FGF14: variants seen among roughly 807,000 people sequenced by gnomAD.
FGF14 encodes the protein fibroblast growth factor 14.
A neutral mutation model predicts 25.5 loss-of-function variants in FGF14; 5 were observed. That is an observed-to-expected ratio of 0.20 (90% CI 0.10 to 0.41). The LOEUF (loss-of-function observed/expected upper bound fraction) is 0.41. FGF14 is among the 10% of genes least tolerant of loss of function. The pLI, the probability that FGF14 is intolerant of heterozygous loss-of-function variation, is 1.00. For synonymous variants in FGF14, 138 were observed against 118.3 expected (o/e 1.17, Z -1.08); for missense variants, 222 against 320.1 (o/e 0.69, Z 2.34).
chr13:101,809,564 C>T (rs1467992409), intron 3 of FGF14, among the ~76,000 whole-genome samples: 2 of 152,176 alleles, frequency 1.3e-5, no homozygotes, highest in Non-Finnish European at 1.5e-5. Flanking sequence ...AGCTGGCAGA[C>T]TTAAACAGGT....
At chr13:101,888,593 G>C (rs2046112580) in intron 1 of FGF14, among the ~76,000 whole-genome samples, 1 of 152,036 alleles carries the variant, frequency 6.6e-6, no homozygotes, top group African/African-American at 2.4e-5. Context: ...AGCTTACTCT[G>C]TTGCCTTATG....
chr13:102,171,120 A>C lies in FGF14; in HGVS notation c.208+230351T>G, dbSNP rs8002515. ...CAAAAACTGGAGATATAAACATATAATATTTGAGGCAATATAGACACAACC... is the reference window on the plus strand; with the variant it reads ...CAAAAACTGGAGATATAAACATATACTATTTGAGGCAATATAGACACAACC... On this transcript the variant is annotated intron_variant, in intron 1 of 4. Transcript: ENST00000376131. Among the ~76,000 whole-genome samples, 753 of 152,324 alleles carry C rather than the reference A, an allele frequency of 4.9e-3. 8 individuals carry two copies. Among genetic ancestry groups the C allele is most frequent in the African/African-American group, 0.017 (712 of 41,570 alleles).
At chr13:102,389,097 A>C (rs1320511576) in intron 1 of FGF14, among the ~76,000 whole-genome samples, 4 of 152,054 alleles carry the variant, frequency 2.6e-5, no homozygotes, top group Non-Finnish European at 5.9e-5. Context: ...TGCTTCTCTA[A>C]AAGATTTCCC....
At position 102,183,777 on chromosome 13, in the gene FGF14, T is replaced by C. The variant is rs879887763; in HGVS notation, c.208+217694A>G. On this transcript the variant is annotated intron_variant, in intron 1 of 4. Transcript: ENST00000376131. ...GCCAGACTTGGGAATCGGACAGACC[T>C]AGATTCAAGCCCTCTCTCCTTATTA... 3.2e-4 allele frequency among the ~76,000 whole-genome samples: 48 copies of C among 152,174 alleles called. 1 individual carries two copies. Among genetic ancestry groups the C allele is most frequent in the Admixed American group, 6.6e-4 (10 of 15,260 alleles).
At chr13:101,916,055 C>A (rs1341932109) in intron 1 of FGF14, among the ~76,000 whole-genome samples, 5 of 152,230 alleles carry the variant, frequency 3.3e-5, no homozygotes, top group Non-Finnish European at 7.3e-5. Context: ...ATGGAAACCC[C>A]CACCAGCTCA....
chr13:102,037,755 C>T (rs1405643750), intron 1 of FGF14, among the ~76,000 whole-genome samples: 1 of 152,106 alleles, frequency 6.6e-6, no homozygotes, highest in African/African-American at 2.4e-5. Context: ...TGCACATTAA[C>T]CGTTGCAGAC....
intron 1 of FGF14, among the ~76,000 whole-genome samples, chr13:101,955,820 T>A (rs1316388324): frequency 6.6e-6 from 1 of 152,248 alleles, no homozygotes; most frequent in Non-Finnish European, 1.5e-5. Flanking sequence ...GTTCCATGGA[T>A]AATCCAAGAG....
chr13:101,785,364 A>G (rs1470873299), intron 3 of FGF14, among the ~76,000 whole-genome samples: 1 of 150,300 alleles, frequency 6.7e-6, no homozygotes, highest in Non-Finnish European at 1.5e-5. Context: ...AAAAAAAAAA[A>G]ACCCAAACCA....
chr13:102,180,966 A>G (rs1472823636), intron 1 of FGF14, among the ~76,000 whole-genome samples: 1 of 152,144 alleles, frequency 6.6e-6, no homozygotes, highest in Non-Finnish European at 1.5e-5. Context: ...TGTTTATATT[A>G]TAGTAAATGG....
At chr13:101,870,530 T>C (rs2044999441) in intron 2 of FGF14, among the ~76,000 whole-genome samples, 1 of 152,220 alleles carries the variant, frequency 6.6e-6, no homozygotes, top group Non-Finnish European at 1.5e-5. Context: ...AGTATAATTT[T>C]AGAAAACAAA....
At chr13:101,892,333 A>G (rs1308827205) in intron 1 of FGF14, among the ~76,000 whole-genome samples, 1 of 152,176 alleles carries the variant, frequency 6.6e-6, no homozygotes, top group Admixed American at 6.6e-5. Flanking sequence ...AAACAAACAA[A>G]AAAATAGGCC....
rs2034635185 is a variant in FGF14, at chr13:101,714,701, A to T, written c.*8130T>A. 8.2e-6 allele frequency: 5 copies of T among 612,872 alleles called. No individual in the cohort carries two copies. The highest frequency in any genetic ancestry group is 1.2e-5 in the Non-Finnish European group (4 of 340,930). 38.0% of individuals were successfully genotyped at this position (612,872 alleles called of 1,614,324 possible). On this transcript the variant is annotated 3_prime_UTR_variant, in exon 5 of 5. Coordinates refer to ENST00000376143, the MANE Select transcript of FGF14 (RefSeq NM_004115.4). Reference sequence around the variant, plus strand: ...AAAGGCGAAGTGGGCATTTGGGAAAAAGCCCTCACAAAAGCCTCACATTAT... The same window carrying T: ...AAAGGCGAAGTGGGCATTTGGGAAATAGCCCTCACAAAAGCCTCACATTAT...
At chr13:102,026,287 T>C (rs1595038011) in intron 1 of FGF14, among the ~76,000 whole-genome samples, 1 of 152,052 alleles carries the variant, frequency 6.6e-6, no homozygotes, top group African/African-American at 2.4e-5. Flanking sequence ...CTGGGATAGA[T>C]ATTTCCATTT....
chr13:101,820,875 C>T (rs2042103294), intron 3 of FGF14, among the ~76,000 whole-genome samples: 1 of 111,538 alleles, frequency 9.0e-6, no homozygotes, highest in South Asian at 3.8e-4. Flanking sequence ...ACTGGAGATA[C>T]ACTTGTGCTT....
At chr13:101,847,245 T>A (rs2043511513) in intron 3 of FGF14, among the ~76,000 whole-genome samples, 1 of 151,998 alleles carries the variant, frequency 6.6e-6, no homozygotes, top group South Asian at 2.1e-4. Context: ...GAAACTGTAG[T>A]TTTATATGCC....
intron 3 of FGF14, among the ~76,000 whole-genome samples, chr13:101,790,405 T>C (rs1482172578): frequency 2.7e-5 from 2 of 74,588 alleles, no homozygotes; most frequent in Non-Finnish European, 7.6e-5. Flanking sequence ...GCTCTATTCA[T>C]TTTCTTTTTT....
chr13:102,123,200 G>GT (rs1398506672), intron 1 of FGF14, among the ~76,000 whole-genome samples: 1 of 152,054 alleles, frequency 6.6e-6, no homozygotes, highest in Non-Finnish European at 1.5e-5. Flanking sequence ...GAACTTGGAG[G>GT]TTATCAAATC....
intron 1 of FGF14, among the ~76,000 whole-genome samples, chr13:102,311,039 TAC>T (rs377345204): frequency 1.1e-4 from 16 of 150,334 alleles, no homozygotes; most frequent in South Asian, 2.1e-4. Context: ...TACACACACA[TAC>T]ACACACACAC....
At chr13:101,974,993 G>T (rs985344120) in intron 1 of FGF14, among the ~76,000 whole-genome samples, 1 of 152,134 alleles carries the variant, frequency 6.6e-6, no homozygotes, top group African/African-American at 2.4e-5. Context: ...GGCTGGGAGA[G>T]GCAGGGGAGT....
Sources: allele counts gnomAD v4.1 joint callset (sites outside exome capture counted in the v4.1 genomes callset), GRCh38; gene constraint gnomAD v4.1.1; transcripts MANE v1.5; gene names NCBI Gene and HGNC (gene_info 2026-07-23, HGNC 2026-07-21).